The following PIK3CB variants were observed in gnomAD, a reference collection of about 807,000 sequenced individuals.
The protein encoded by PIK3CB is phosphatidylinositol 4,5-bisphosphate 3-kinase catalytic subunit beta isoform.
A neutral mutation model predicts 136.8 loss-of-function variants in PIK3CB; 39 were observed. That is an observed-to-expected ratio of 0.29 (90% CI 0.22 to 0.37). PIK3CB has a LOEUF of 0.37. Ranked by LOEUF, PIK3CB falls within the 10% of genes least tolerant of loss-of-function variation. The pLI is 1.00. For synonymous variants in PIK3CB, 428 were observed against 436.6 expected, an observed-to-expected ratio of 0.98 and a Z score of 0.25; for missense variants, 868 against 1,275.4, an observed-to-expected ratio of 0.68 and a Z score of 4.87.
chr3:138,673,434 C>T (rs1003650483), intron 19 of PIK3CB, among the ~76,000 whole-genome samples: 3 of 152,086 alleles, frequency 2.0e-5, no homozygotes, highest in Admixed American at 6.6e-5. Flanking sequence ...TACAAAGAAC[C>T]GATAACCAGA....
chr3:138,691,286 C>A (rs2044002835), intron 14 of PIK3CB, 143 bp from the exon 15 acceptor site: 1 of 684,910 alleles, frequency 1.5e-6, no homozygotes, highest in South Asian at 2.2e-5. Flanking sequence ...CTTCACTGTA[C>A]CACTGTTACA....
chr3:138,683,701 C>G lies in PIK3CB; in HGVS notation c.2402G>C (p.Gly801Ala). The change falls in exon 18 of 24, where the codon GGA (glycine) becomes GCA (alanine). Residue 801 changes from glycine (G) to alanine (A), a missense_variant. By Grantham distance (60) the Gly-to-Ala change is moderately conservative. Transcript: ENST00000674063. Reference protein sequence around the residue: ...NNKVFGEDSVGVIFKNGDDLR... With the variant: ...NNKVFGEDSVAVIFKNGDDLR... ...ACCATCACCATTTTTAAAAATCACT[C>G]CAACTGAATCCTCACCAAATACCTT... is the stretch of plus-strand genomic sequence containing the variant. 6.3e-7 allele frequency: 1 copy of G among 1,576,444 alleles called. No individual in the cohort carries two copies. Among genetic ancestry groups the G allele is most frequent in the Non-Finnish European group, 8.7e-7 (1 of 1,146,248 alleles).
intron 13 of PIK3CB, among the ~76,000 whole-genome samples, chr3:138,696,531 C>A: frequency 6.6e-6 from 1 of 152,064 alleles, no homozygotes; most frequent in Admixed American, 6.6e-5. Flanking sequence ...ATTCTTAACC[C>A]TATATTGAAT....
intron 1 of PIK3CB, among the ~76,000 whole-genome samples, chr3:138,820,777 A>T (rs1933526984): frequency 6.6e-6 from 1 of 152,182 alleles, no homozygotes; most frequent in Non-Finnish European, 1.5e-5. Flanking sequence ...TATAGGCATG[A>T]GCCACCGTGC....
intron 1 of PIK3CB, among the ~76,000 whole-genome samples, chr3:138,828,369 T>C (rs1422762302): frequency 1.3e-5 from 2 of 151,556 alleles, no homozygotes; most frequent in Non-Finnish European, 2.9e-5. Context: ...GTATTTTTAG[T>C]AGAGACGGGT....
At chr3:138,685,761 T>C (rs1043093559) in intron 16 of PIK3CB, among the ~76,000 whole-genome samples, 2 of 152,106 alleles carry the variant, frequency 1.3e-5, no homozygotes, top group African/African-American at 4.8e-5. Context: ...TATCAAAACT[T>C]ATGCAAGTAA....
intron 1 of PIK3CB, among the ~76,000 whole-genome samples, chr3:138,817,199 G>A (rs1011683766): frequency 4.6e-5 from 7 of 152,126 alleles, no homozygotes; most frequent in African/African-American, 1.7e-4. Flanking sequence ...TTAGCCGGGC[G>A]AGGTGGTGGG....
intron 10 of PIK3CB, among the ~76,000 whole-genome samples, chr3:138,709,250 T>C (rs1285673971): frequency 1.3e-5 from 2 of 152,088 alleles, no homozygotes; most frequent in Non-Finnish European, 2.9e-5. Flanking sequence ...GCATGGTTAT[T>C]CATTATAGCA....
chr3:138,713,614 T>C (rs1350226510), intron 9 of PIK3CB, among the ~76,000 whole-genome samples: 1 of 152,110 alleles, frequency 6.6e-6, no homozygotes, highest in Non-Finnish European at 1.5e-5. Context: ...GAAGTTGCAG[T>C]GAGCCGAGAT....
intron 1 of PIK3CB, among the ~76,000 whole-genome samples, chr3:138,809,878 T>C (rs893731614): frequency 6.6e-6 from 1 of 152,200 alleles, no homozygotes; most frequent in Non-Finnish European, 1.5e-5. Flanking sequence ...TGTTCAGCTC[T>C]TAGTTTCTAA....
intron 1 of PIK3CB, among the ~76,000 whole-genome samples, chr3:138,820,221 C>T (rs539811376): frequency 1.6e-4 from 25 of 152,154 alleles, no homozygotes; most frequent in Non-Finnish European, 3.2e-4. Context: ...AAGCTAAAAT[C>T]GTCCCCTGCT....
At position 138,688,500 on chromosome 3, in the gene PIK3CB, C is replaced by CAAAA. The variant is rs397991199; in HGVS notation, c.2136+371_2136+374dup. Among the ~76,000 whole-genome samples, 73 of 83,946 alleles carry CAAAA rather than the reference C, an allele frequency of 8.7e-4. 2 individuals are homozygous for CAAAA. The highest frequency in any genetic ancestry group is 2.8e-3 in the African/African-American group (57 of 20,200). The allele number at this position is 83,946 out of a possible 152,430, so 55.1% of individuals were successfully genotyped here. The stretch of plus-strand genomic sequence containing the variant: ...TGGGCAACAGAGCGAGACTCTGTCA[C>CAAAA]AAAAAAAAAAAAAAAAAAAAAGGGT... On this transcript the variant is annotated intron_variant, in intron 16 of 23. Coordinates refer to ENST00000674063, the MANE Select transcript of PIK3CB (RefSeq NM_006219.3).
chr3:138,785,328 A>G (rs578127204), intron 2 of PIK3CB, among the ~76,000 whole-genome samples: 1 of 152,274 alleles, frequency 6.6e-6, no homozygotes, highest in South Asian at 2.1e-4. Context: ...TGTACCCAAC[A>G]GCTCATTGAG....
chr3:138,775,105 G>A (rs1348163135), intron 2 of PIK3CB, among the ~76,000 whole-genome samples: 1 of 152,096 alleles, frequency 6.6e-6, no homozygotes, highest in African/African-American at 2.4e-5. Context: ...AAATTGAGAG[G>A]GAAAAGACTA....
intron 1 of PIK3CB, among the ~76,000 whole-genome samples, chr3:138,826,845 G>A (rs181290882): frequency 1.3e-5 from 2 of 152,116 alleles, no homozygotes; most frequent in Non-Finnish European, 2.9e-5. Flanking sequence ...AAGGCAGGCG[G>A]ATCGCCTGAG....
intron 14 of PIK3CB, among the ~76,000 whole-genome samples, chr3:138,692,556 T>C (rs1365081213): frequency 6.6e-6 from 1 of 152,218 alleles, no homozygotes; most frequent in African/African-American, 2.4e-5. Flanking sequence ...TCATGCCCAC[T>C]ATATAACCTA....
At chr3:138,664,173 G>T in intron 20 of PIK3CB, 144 bp from the exon 21 acceptor site, 1 of 904,032 alleles carries the variant, frequency 1.1e-6, no homozygotes, top group Non-Finnish European at 1.7e-6. Flanking sequence ...ATGTGGATCA[G>T]CCAAGGGGAG....
In PIK3CB at chr3:138,707,813, C is replaced by T. The variant is rs138283949; in HGVS notation, c.1400-524G>A. 1.1e-4 allele frequency among the ~76,000 whole-genome samples: 17 copies of T among 152,282 alleles called. No individual in the cohort carries two copies. The East Asian group carries it at 3.1e-3, about 28-fold the overall frequency. On this transcript the variant is annotated intron_variant, in intron 10 of 23. Transcript: ENST00000674063. ...GCCTCTGGAATACTCCATTAAGTGG[C>T]GCTCCTTTTACCTCACCAACTGCTT...
intron 4 of PIK3CB, among the ~76,000 whole-genome samples, chr3:138,753,845 T>A (rs973221651): frequency 6.6e-6 from 1 of 152,176 alleles, no homozygotes; most frequent in Non-Finnish European, 1.5e-5. Flanking sequence ...GCCTACTCTG[T>A]GGTACTTTTT....
Sources: allele counts gnomAD v4.1 joint callset (sites outside exome capture counted in the v4.1 genomes callset), GRCh38; gene constraint gnomAD v4.1.1; transcripts MANE v1.5; gene names NCBI Gene and HGNC (gene_info 2026-07-23, HGNC 2026-07-21).